Variants in MARCHF3 observed in about 807,000 individuals in gnomAD.
The protein encoded by MARCHF3 is E3 ubiquitin-protein ligase MARCHF3.
Under a neutral mutation model 24.2 loss-of-function variants are expected in MARCHF3, and 13 were observed. The ratio of observed to expected loss-of-function variants is 0.54; its 90% CI spans 0.35 to 0.85. The LOEUF is 0.85. MARCHF3 is among the 40% of genes least tolerant of loss of function. The pLI is 0.01. For missense variants in MARCHF3, 276 were observed against 325.0 expected, an observed-to-expected ratio of 0.85 and a Z score of 1.16; for synonymous variants, 144 against 137.3, an observed-to-expected ratio of 1.05 and a Z score of -0.34.
chr5:126,922,608 G>A (rs1173412220), intron 1 of MARCHF3, among the ~76,000 whole-genome samples: 5 of 151,592 alleles, frequency 3.3e-5, no homozygotes, highest in Non-Finnish European at 7.4e-5. Context: ...GTGCAGTGGC[G>A]TGATCTCCGC....
At chr5:126,889,613 T>A (rs914999496) in intron 3 of MARCHF3, among the ~76,000 whole-genome samples, 1 of 152,112 alleles carries the variant, frequency 6.6e-6, no homozygotes, top group African/African-American at 2.4e-5. Context: ...GGAAATTTCT[T>A]CCAAATAGAA....
intron 1 of MARCHF3, among the ~76,000 whole-genome samples, chr5:126,954,582 G>C (rs1470997596): frequency 1.3e-5 from 2 of 150,936 alleles, no homozygotes; most frequent in Non-Finnish European, 2.9e-5. Context: ...TGTTGCCCAG[G>C]CTGGTCTCAA....
chr5:127,004,941 T>C (rs1580477761), intron 1 of MARCHF3, among the ~76,000 whole-genome samples: 1 of 151,786 alleles, frequency 6.6e-6, no homozygotes, highest in South Asian at 2.1e-4. Flanking sequence ...ACACAGCTGG[T>C]GTCAGCTGAT....
At chr5:126,882,120 A>T (rs1196989517) in intron 3 of MARCHF3, among the ~76,000 whole-genome samples, 1 of 152,220 alleles carries the variant, frequency 6.6e-6, no homozygotes, top group Non-Finnish European at 1.5e-5. Flanking sequence ...TCACCTAAGG[A>T]GAGATAGCAA....
intron 1 of MARCHF3, among the ~76,000 whole-genome samples, chr5:126,938,645 G>C (rs957153333): frequency 2.0e-5 from 3 of 151,620 alleles, no homozygotes; most frequent in African/African-American, 7.3e-5. Flanking sequence ...CTTCATATTT[G>C]TGAGTCATCA....
At chr5:126,881,623 C>A (rs1753343918) in intron 3 of MARCHF3, among the ~76,000 whole-genome samples, 1 of 152,024 alleles carries the variant, frequency 6.6e-6, no homozygotes. Context: ...GCATGACATA[C>A]TGCTGAGCAG....
intron 1 of MARCHF3, among the ~76,000 whole-genome samples, chr5:126,988,661 G>A (rs977791302): frequency 2.0e-5 from 3 of 152,138 alleles, no homozygotes; most frequent in African/African-American, 7.2e-5. Context: ...CACTAGAAAA[G>A]TTAAAATAAT....
intron 1 of MARCHF3, among the ~76,000 whole-genome samples, chr5:126,981,366 A>C (rs992434771): frequency 7.2e-5 from 11 of 152,186 alleles, no homozygotes; most frequent in African/African-American, 2.7e-4. Flanking sequence ...CCAATCCATG[A>C]GCATCTTGGG....
intron 1 of MARCHF3, among the ~76,000 whole-genome samples, chr5:126,920,022 A>AAAT (rs1749049269): frequency 6.6e-6 from 1 of 152,200 alleles, no homozygotes; most frequent in African/African-American, 2.4e-5. Context: ...TGACTAGGTT[A>AAAT]AATAGGATTT....
At chr5:126,899,427 G>A (rs1216787120) in intron 3 of MARCHF3, among the ~76,000 whole-genome samples, 1 of 152,138 alleles carries the variant, frequency 6.6e-6, no homozygotes, top group Non-Finnish European at 1.5e-5. Flanking sequence ...ACAGCCACAT[G>A]AGGACTGATT....
At chr5:126,994,737 G>A (rs1370872260) in intron 1 of MARCHF3, among the ~76,000 whole-genome samples, 1 of 151,284 alleles carries the variant, frequency 6.6e-6, no homozygotes, top group Non-Finnish European at 1.5e-5. Flanking sequence ...TGACTCACAC[G>A]ACCACAAGGT....
intron 3 of MARCHF3, among the ~76,000 whole-genome samples, chr5:126,906,368 T>C (rs1037562763): frequency 2.6e-5 from 4 of 152,224 alleles, no homozygotes; most frequent in African/African-American, 9.7e-5. Context: ...TGTCTATTGA[T>C]TGGAATAGTT....
chr5:126,935,632 C>T (rs1432211886), intron 1 of MARCHF3, among the ~76,000 whole-genome samples: 3 of 66,274 alleles, frequency 4.5e-5, no homozygotes, highest in African/African-American at 1.2e-4. Flanking sequence ...TTTTTTGAGA[C>T]GGAGTTTTGC....
At position 126,878,192 on chromosome 5, in the gene MARCHF3, C is replaced by G; in HGVS notation, c.596G>C (p.Trp199Ser). The G allele has an allele frequency of 6.2e-7, 1 of 1,614,118 alleles. No homozygotes were observed. Among genetic ancestry groups the G allele is most frequent in the Non-Finnish European group, 8.5e-7 (1 of 1,179,998 alleles). Residue 199 changes from tryptophan (W) to serine (S), a missense_variant, in exon 4 of 5, where the codon TGG becomes TCG. Transcript: ENST00000308660. ...GCCACGGCCCATACTTACTAGTGTC[C>G]AAAAGAGGTAAATAGTGAAGAGTGC... ...TVALFTIYLF[W>S]TLVSFRYHCR...
intron 3 of MARCHF3, among the ~76,000 whole-genome samples, chr5:126,893,428 G>A (rs1753764525): frequency 1.3e-5 from 2 of 151,768 alleles, no homozygotes; most frequent in Admixed American, 6.6e-5. Flanking sequence ...TGGGCATTTA[G>A]TGCTATAAAT....
At chr5:126,892,005 A>G (rs1309048605) in intron 3 of MARCHF3, among the ~76,000 whole-genome samples, 2 of 151,840 alleles carry the variant, frequency 1.3e-5, no homozygotes, top group Non-Finnish European at 2.9e-5. Context: ...GGTCCTTCAC[A>G]TCCCTTGTAG....
chr5:126,922,288 C>T (rs1749134727), intron 1 of MARCHF3, among the ~76,000 whole-genome samples: 1 of 152,176 alleles, frequency 6.6e-6, no homozygotes. Context: ...GTAAATCACT[C>T]AGCCTCTCAG....
chr5:126,871,282 CT>C (rs1408179984), intron 4 of MARCHF3, among the ~76,000 whole-genome samples: 1 of 152,172 alleles, frequency 6.6e-6, no homozygotes, highest in East Asian at 1.9e-4. Context: ...GAAGGACACC[CT>C]TTGTACTGTC....
At chr5:126,935,971 CT>C (rs1178802666) in intron 1 of MARCHF3, among the ~76,000 whole-genome samples, 1 of 152,090 alleles carries the variant, frequency 6.6e-6, no homozygotes, top group Non-Finnish European at 1.5e-5. Flanking sequence ...GCACATATGT[CT>C]TTAAGAGTCA....
Sources: gnomAD v4.1 joint callset for allele counts (sites outside exome capture counted in the v4.1 genomes callset) on GRCh38, gnomAD v4.1.1 for gene constraint, MANE v1.5 for transcripts, NCBI Gene and HGNC (gene_info 2026-07-23, HGNC 2026-07-21) for gene names.